The following CYP4X1 variants were observed in gnomAD, a reference collection of about 807,000 sequenced individuals.
CYP4X1 encodes the protein cytochrome P450 family 4 subfamily X member 1.
In CYP4X1, 44 loss-of-function variants were observed where a neutral mutation model predicts 57.9. The ratio of observed to expected loss-of-function variants is 0.76; its 90% CI spans 0.60 to 0.98. CYP4X1 has a LOEUF of 0.98. Ranked by LOEUF, CYP4X1 falls within the 50% of genes least tolerant of loss-of-function variation. The probability of loss-of-function intolerance (pLI) is 0.00; values close to 1 mark genes in which losing one functional copy is unlikely to be tolerated. For missense variants in CYP4X1, 532 were observed against 623.9 expected (o/e 0.85, Z 1.57); for synonymous variants, 227 against 228.6 (o/e 0.99, Z 0.06).
downstream of CYP4X1, among the ~76,000 whole-genome samples, chr1:47,053,847 A>T (rs900871847): frequency 6.6e-6 from 1 of 151,882 alleles, no homozygotes; most frequent in African/African-American, 2.4e-5. Context: ...GGTTGCAAAA[A>T]TTTTCTCCCA....
chr1:47,046,147 C>T (rs1018317429), intron 8 of CYP4X1, among the ~76,000 whole-genome samples: 2 of 152,132 alleles, frequency 1.3e-5, no homozygotes, highest in Admixed American at 1.3e-4. Flanking sequence ...TTTAATCCTT[C>T]GCCATTTTTA....
chr1:47,052,542 G>A (rs1277366387), downstream of CYP4X1, among the ~76,000 whole-genome samples: 1 of 152,034 alleles, frequency 6.6e-6, no homozygotes, highest in Non-Finnish European at 1.5e-5. Context: ...AATGTCATTG[G>A]CATTCACCAT....
At chr1:46,971,489 A>G in the CYP4X1 span, among the ~76,000 whole-genome samples, 1 of 152,238 alleles carries the variant, frequency 6.6e-6, no homozygotes, top group African/African-American at 2.4e-5. Flanking sequence ...TTCTTTGAGA[A>G]GTCTCCAGAT....
the CYP4X1 span, among the ~76,000 whole-genome samples, chr1:46,982,737 C>A: frequency 6.6e-6 from 1 of 152,204 alleles, no homozygotes. Flanking sequence ...CTATATATTT[C>A]CTCACATCTG....
intron 8 of CYP4X1, among the ~76,000 whole-genome samples, chr1:47,045,827 T>C (rs1401037925): frequency 6.6e-6 from 1 of 152,238 alleles, no homozygotes; most frequent in East Asian, 1.9e-4. Context: ...ATAATTGTCC[T>C]TAGGCAGACT....
downstream of CYP4X1, among the ~76,000 whole-genome samples, chr1:47,052,488 T>G (rs1365343757): frequency 6.6e-6 from 1 of 152,044 alleles, no homozygotes; most frequent in Non-Finnish European, 1.5e-5. Context: ...CTTTCATAGG[T>G]AGGAAGTAGG....
the CYP4X1 span, among the ~76,000 whole-genome samples, chr1:46,964,639 A>C: frequency 1.3e-5 from 2 of 152,210 alleles, no homozygotes; most frequent in Admixed American, 6.5e-5. Flanking sequence ...GTGAGGTGTC[A>C]GTCTGCCCCT....
chr1:46,974,547 C>T, the CYP4X1 span, among the ~76,000 whole-genome samples: 3 of 151,982 alleles, frequency 2.0e-5, no homozygotes, highest in African/African-American at 7.2e-5. Flanking sequence ...CCCACCATTA[C>T]TGTGTGTTTA....
chr1:47,002,140 G>A, the CYP4X1 span, among the ~76,000 whole-genome samples: 2 of 152,248 alleles, frequency 1.3e-5, no homozygotes, highest in African/African-American at 4.8e-5. Context: ...AGGGAGCAAT[G>A]TGTCTGGAGC....
the CYP4X1 span, among the ~76,000 whole-genome samples, chr1:47,007,748 CG>C: frequency 6.6e-6 from 1 of 151,988 alleles, no homozygotes; most frequent in East Asian, 1.9e-4. Flanking sequence ...CTGACGGAGC[CG>C]AAAACCATGG....
chr1:46,965,881 C>CT, the CYP4X1 span, among the ~76,000 whole-genome samples: 1 of 152,206 alleles, frequency 6.6e-6, no homozygotes, highest in Non-Finnish European at 1.5e-5. Flanking sequence ...GACCAGAGCC[C>CT]TATCCATAGA....
intron 11 of CYP4X1, 100 bp downstream of exon 11, chr1:47,049,604 C>G (rs555586407): frequency 9.1e-7 from 1 of 1,103,794 alleles, no homozygotes; most frequent in Middle Eastern, 2.0e-4. Context: ...TCCAGGGAAC[C>G]GTAGATCTTG....
At chr1:47,041,330 T>C (rs1168734849) in intron 8 of CYP4X1, among the ~76,000 whole-genome samples, 7 of 152,168 alleles carry the variant, frequency 4.6e-5, no homozygotes, top group Non-Finnish European at 1.0e-4. Flanking sequence ...TGCTGCATCA[T>C]ATGGTAGTTC....
chr1:47,000,046 C>T, the CYP4X1 span, among the ~76,000 whole-genome samples: 1 of 152,234 alleles, frequency 6.6e-6, no homozygotes, highest in East Asian at 1.9e-4. Context: ...CTACTCAAAT[C>T]TCATCTTGAA....
chr1:46,980,388 G>C, the CYP4X1 span, among the ~76,000 whole-genome samples: 1 of 152,100 alleles, frequency 6.6e-6, no homozygotes, highest in African/African-American at 2.4e-5. Context: ...TTGCTACAAA[G>C]AGAATAAAAT....
intron 1 of CYP4X1, among the ~76,000 whole-genome samples, chr1:47,024,382 A>G (rs961161406): frequency 4.6e-5 from 7 of 152,160 alleles, no homozygotes; most frequent in Admixed American, 2.0e-4. Flanking sequence ...TGCAAAATCT[A>G]TCCCAATCGT....
At chr1:47,016,006 A>G in the CYP4X1 span, among the ~76,000 whole-genome samples, 1 of 152,072 alleles carries the variant, frequency 6.6e-6, no homozygotes, top group East Asian at 1.9e-4. Flanking sequence ...CCCACCCTCT[A>G]GCTTCTACTT....
chr1:47,039,567 T>C, intron 8 of CYP4X1, 35 bp downstream of exon 8: 1 of 1,544,106 alleles, frequency 6.5e-7, no homozygotes, highest in Non-Finnish European at 8.7e-7. Context: ...CCTGCTAGTT[T>C]TCCCCCTGAG....
At chr1:47,044,369 T>G (rs953132748) in intron 8 of CYP4X1, among the ~76,000 whole-genome samples, 9 of 152,238 alleles carry the variant, frequency 5.9e-5, no homozygotes, top group Admixed American at 3.9e-4. Context: ...TATACACTTT[T>G]ACTCTACCAA....
Sources: allele counts gnomAD v4.1 joint callset (sites outside exome capture counted in the v4.1 genomes callset), GRCh38; gene constraint gnomAD v4.1.1; transcripts MANE v1.5; gene names NCBI Gene and HGNC (gene_info 2026-07-23, HGNC 2026-07-21).